WNT9B: variants seen among roughly 807,000 people sequenced by gnomAD.
The protein encoded by WNT9B is protein Wnt-9b.
A neutral mutation model predicts 30.2 loss-of-function variants in WNT9B; 12 were observed. That is an observed-to-expected ratio of 0.40 (90% confidence interval 0.26 to 0.64). The LOEUF (loss-of-function observed/expected upper bound fraction) is 0.64. WNT9B is among the 30% of genes least tolerant of loss of function. The pLI, the probability that WNT9B is intolerant of heterozygous loss-of-function variation, is 0.42. For synonymous variants in WNT9B, 218 were observed against 216.9 expected, an observed-to-expected ratio of 1.01 and a Z score of -0.05; for missense variants, 442 against 485.2, an observed-to-expected ratio of 0.91 and a Z score of 0.84.
intron 1 of WNT9B, among the ~76,000 whole-genome samples, chr17:46,838,683 C>T (rs1261986068): frequency 6.6e-6 from 1 of 151,974 alleles, no homozygotes; most frequent in Non-Finnish European, 1.5e-5. Context: ...TACATATACA[C>T]ACACATCCAC....
At chr17:46,851,542 G>T, upstream of WNT9B, 2 of 604,828 alleles carry the variant, frequency 3.3e-6, no homozygotes, top group Non-Finnish European at 4.7e-6. The surrounding 1 kb of genome is among the most constrained non-coding windows in gnomAD (Gnocchi z 4.3). Flanking sequence ...CGCCTGCCCC[G>T]CCCCACCCGG....
At chr17:46,873,508 T>C (rs1598863633) in intron 2 of WNT9B, among the ~76,000 whole-genome samples, 1 of 152,288 alleles carries the variant, frequency 6.6e-6, no homozygotes, top group African/African-American at 2.4e-5. Context: ...AGGACACAGC[T>C]CCGGGTGGGT....
intron 1 of WNT9B, among the ~76,000 whole-genome samples, chr17:46,852,389 AGTGTGTGTGTGTGTGT>A (rs61138160): frequency 1.2e-3 from 131 of 105,374 alleles, no homozygotes; most frequent in Middle Eastern, 4.9e-3. Context: ...GAGAGGGCCC[AGTGTGTGTGTGTGTGT>A]GTGTGTGTGT....
At chr17:46,864,951 G>A (rs575208485) in intron 1 of WNT9B, among the ~76,000 whole-genome samples, 20 of 152,278 alleles carry the variant, frequency 1.3e-4, no homozygotes, top group Non-Finnish European at 2.9e-5. Flanking sequence ...CAGCTCTAAC[G>A]TATAATGGTT....
At chr17:46,833,816 T>G (rs1456913260) in intron 1 of WNT9B, among the ~76,000 whole-genome samples, 3 of 152,126 alleles carry the variant, frequency 2.0e-5, no homozygotes, top group Non-Finnish European at 2.9e-5. Context: ...GAGGCTTGCT[T>G]TTCCTTCAAC....
intron 1 of WNT9B, 36 bp from the exon 2 acceptor site, chr17:46,872,481 A>G (rs2085264625): frequency 2.1e-6 from 3 of 1,455,524 alleles, no homozygotes; most frequent in African/African-American, 2.9e-5. Context: ...CACCATCCCC[A>G]AGGCTCACCT....
intron 1 of WNT9B, among the ~76,000 whole-genome samples, chr17:46,870,501 G>C (rs1346063831): frequency 1.3e-5 from 2 of 152,236 alleles, no homozygotes; most frequent in Non-Finnish European, 2.9e-5. Flanking sequence ...CCCTGTCTGG[G>C]AGAGGAGCCC....
At chr17:46,869,347 C>T (rs2085198270) in intron 1 of WNT9B, among the ~76,000 whole-genome samples, 1 of 152,176 alleles carries the variant, frequency 6.6e-6, no homozygotes, top group African/African-American at 2.4e-5. Context: ...CAACACTGGC[C>T]ATGCAGAGCT....
rs753211827 is a variant in WNT9B, at chr17:46,875,135, C to T, written c.369C>T (p.Ser123=). The T allele has an allele frequency of 2.5e-6, 4 of 1,613,846 alleles. No homozygotes were observed. The highest frequency in any genetic ancestry group is 1.1e-5 in the South Asian group (1 of 91,096). Residue 123 remains serine, a synonymous_variant, in exon 3 of 4, where the codon TCC becomes TCT. Coordinates refer to ENST00000290015, the MANE Select transcript of WNT9B (RefSeq NM_003396.3). Reference sequence around the variant, plus strand: ...AGACAGCTTTCCTGTACGCGGTGTCCTCTGCCGCCCTCACCCACACCCTGG... The same window carrying T: ...AGACAGCTTTCCTGTACGCGGTGTCTTCTGCCGCCCTCACCCACACCCTGG... The part of the protein sequence containing the change: ...FKETAFLYAV[S]SAALTHTLAR...
intron 1 of WNT9B, chr17:46,833,590 G>A: frequency 2.7e-6 from 1 of 367,620 alleles, no homozygotes; most frequent in Non-Finnish European, 5.4e-6. Flanking sequence ...AGTGTGGTGG[G>A]CAGCCCTGCT....
At chr17:46,851,012 CTT>C (rs1396212790), upstream of WNT9B, among the ~76,000 whole-genome samples, 4 of 152,348 alleles carry the variant, frequency 2.6e-5, no homozygotes, top group East Asian at 1.9e-4. The surrounding 1 kb of genome is among the most constrained non-coding windows in gnomAD (Gnocchi z 4.3). Flanking sequence ...GCCCAAGACT[CTT>C]TGCCTGGCAA....
At chr17:46,847,800 A>G (rs1225903530), upstream of WNT9B, among the ~76,000 whole-genome samples, 1 of 152,196 alleles carries the variant, frequency 6.6e-6, no homozygotes, top group African/African-American at 2.4e-5. Context: ...CACAGGAGAT[A>G]TGGAGCCAAC....
chr17:46,842,860 C>A (rs1350142775), intron 1 of WNT9B, among the ~76,000 whole-genome samples: 2 of 152,232 alleles, frequency 1.3e-5, no homozygotes, highest in Non-Finnish European at 1.5e-5. Context: ...AAGATGTCCA[C>A]ATTCATCTTC....
At chr17:46,849,669 T>G (rs1445893258), upstream of WNT9B, among the ~76,000 whole-genome samples, 2 of 152,124 alleles carry the variant, frequency 1.3e-5, no homozygotes, top group Non-Finnish European at 2.9e-5. Flanking sequence ...GATGCCACAT[T>G]GGTGGCATGA....
At chr17:46,838,322 T>TA (rs111624803) in intron 1 of WNT9B, among the ~76,000 whole-genome samples, 704 of 138,222 alleles carry the variant, frequency 5.1e-3, no homozygotes, top group Middle Eastern at 7.5e-3. Context: ...GGGCCTGCCT[T>TA]AAAAAAAAAA....
chr17:46,884,637 A>G (rs750430932), downstream of WNT9B, among the ~76,000 whole-genome samples: 3 of 152,206 alleles, frequency 2.0e-5, no homozygotes, highest in Non-Finnish European at 4.4e-5. Flanking sequence ...TGCTCTGCAG[A>G]GTGCCTCTCG....
At chr17:46,837,408 G>T (rs1056901504) in intron 1 of WNT9B, among the ~76,000 whole-genome samples, 6 of 152,156 alleles carry the variant, frequency 3.9e-5, no homozygotes, top group African/African-American at 7.2e-5. Context: ...AATATTTGGG[G>T]GACTGGAGGG....
chr17:46,856,476 T>A (rs963051697), intron 1 of WNT9B, among the ~76,000 whole-genome samples: 1 of 151,810 alleles, frequency 6.6e-6, no homozygotes, highest in Non-Finnish European at 1.5e-5. Context: ...ATGAAATGCA[T>A]GCTTTTTCTT....
chr17:46,834,621 T>C (rs2084602917), intron 1 of WNT9B, among the ~76,000 whole-genome samples: 1 of 152,168 alleles, frequency 6.6e-6, no homozygotes, highest in African/African-American at 2.4e-5. Context: ...GCCCTGTCCC[T>C]GAGGCTGGGC....
Sources: gnomAD v4.1 joint callset for allele counts (sites outside exome capture counted in the v4.1 genomes callset) on GRCh38, gnomAD v4.1.1 for gene constraint, Gnocchi (gnomAD v3.1) non-coding constraint, MANE v1.5 for transcripts, NCBI Gene and HGNC (gene_info 2026-07-23, HGNC 2026-07-21) for gene names.